Variants in SPOCK3 observed in about 807,000 individuals in gnomAD.
SPOCK3 encodes SPARC (osteonectin), cwcv and kazal like domains proteoglycan 3, also known as testican-3.
In SPOCK3, 30 loss-of-function variants were observed where a neutral mutation model predicts 56.6. The observed-to-expected ratio is 0.53, with a 90% confidence interval of 0.40 to 0.72. The LOEUF (loss-of-function observed/expected upper bound fraction) is 0.72. Among genes scored for constraint, SPOCK3 ranks in the 30% least tolerant of loss-of-function variants. SPOCK3 has a pLI of 0.00. For synonymous variants in SPOCK3, 196 were observed against 183.3 expected, an observed-to-expected ratio of 1.07 and a Z score of -0.56; for missense variants, 527 against 530.0, an observed-to-expected ratio of 0.99 and a Z score of 0.06.
At chr4:166,876,790 G>A (rs1733132726) in intron 6 of SPOCK3, among the ~76,000 whole-genome samples, 1 of 152,146 alleles carries the variant, frequency 6.6e-6, no homozygotes, top group Admixed American at 6.5e-5. Context: ...ATATGTAGGT[G>A]AAGGAAGTCG....
chr4:167,138,594 T>C (rs1042963035), intron 2 of SPOCK3, among the ~76,000 whole-genome samples: 4 of 151,938 alleles, frequency 2.6e-5, no homozygotes, highest in Non-Finnish European at 5.9e-5. Flanking sequence ...AAAATCTATC[T>C]TTTGGATCCT....
intron 4 of SPOCK3, among the ~76,000 whole-genome samples, chr4:166,947,594 A>G (rs1741932572): frequency 6.6e-6 from 1 of 152,152 alleles, no homozygotes; most frequent in African/African-American, 2.4e-5. Flanking sequence ...GGCAATTTAA[A>G]AAAAAGAAAA....
At chr4:167,233,960 G>A (rs778094481) in intron 2 of SPOCK3, 25 bp downstream of exon 2, 1 of 1,601,082 alleles carries the variant, frequency 6.2e-7, no homozygotes, top group South Asian at 1.1e-5. Context: ...GCGTGTGCCC[G>A]GGGATGTGGG....
Position 167,108,817 on chromosome 4 carries a change from G to A in SPOCK3, c.190-46280C>T, listed in dbSNP as rs114244617. Among the ~76,000 whole-genome samples the A allele has an allele frequency of 7.2e-3, 1,066 of 148,992 alleles. 12 individuals carry two copies. The highest frequency in any genetic ancestry group is 0.024 in the African/African-American group (957 of 40,498). On this transcript the variant is annotated intron_variant, in intron 2 of 10. Transcript: ENST00000357545. ...AAATAATGAAGAGTATAATTGGATT[G>A]TTTGTTACACAAAGGATACATGTTT... is the stretch of plus-strand genomic sequence containing the variant.
intron 4 of SPOCK3, among the ~76,000 whole-genome samples, chr4:166,945,056 A>G (rs1194832966): frequency 6.6e-6 from 1 of 152,156 alleles, no homozygotes; most frequent in African/African-American, 2.4e-5. Flanking sequence ...TACCACTATC[A>G]ATCTTTGAGC....
chr4:166,988,903 C>T (rs559275170), intron 4 of SPOCK3, among the ~76,000 whole-genome samples: 1 of 152,050 alleles, frequency 6.6e-6, no homozygotes, highest in Non-Finnish European at 1.5e-5. Context: ...AATCCTCTTC[C>T]TTATATTTTC....
intron 4 of SPOCK3, among the ~76,000 whole-genome samples, chr4:166,965,771 G>C (rs1744669352): frequency 6.6e-6 from 1 of 151,958 alleles, no homozygotes; most frequent in African/African-American, 2.4e-5. Flanking sequence ...TCAGCAAATG[G>C]ATCTCAACAC....
chr4:167,026,405 A>T (rs917650521), intron 3 of SPOCK3, among the ~76,000 whole-genome samples: 1 of 152,076 alleles, frequency 6.6e-6, no homozygotes, highest in Non-Finnish European at 1.5e-5. Context: ...GAAAGTATTA[A>T]GGATAGTAAC....
At chr4:167,099,249 T>A (rs1414530148) in intron 2 of SPOCK3, among the ~76,000 whole-genome samples, 3 of 151,978 alleles carry the variant, frequency 2.0e-5, no homozygotes, top group Non-Finnish European at 4.4e-5. Flanking sequence ...ATTTTCTTCA[T>A]TTTTTAGTAG....
Position 166,859,271 on chromosome 4 carries a change from G to A in SPOCK3, c.589+29859C>T, listed in dbSNP as rs527554133. On this transcript the variant is annotated intron_variant, in intron 6 of 10. Transcript: ENST00000357545. ...GACCCATTTCTCAAAATATAGTTCT[G>A]TTATTAAGTATTATAAAAATATACA... Among the ~76,000 whole-genome samples, 14 of 152,114 alleles carry A rather than the reference G, an allele frequency of 9.2e-5. No individual in the cohort carries two copies. The South Asian group carries it at 2.5e-3, about 27-fold the overall frequency.
At position 167,127,518 on chromosome 4, in the gene SPOCK3, C is replaced by T. The variant is rs147478783; in HGVS notation, c.190-64981G>A. ...TCTCGGCTCACTGCAACCTCTGGTTCCCGGGTTCAAGCAATTCTCCTGCCT... is the reference window on the plus strand; with the variant it reads ...TCTCGGCTCACTGCAACCTCTGGTTTCCGGGTTCAAGCAATTCTCCTGCCT... On this transcript the variant is annotated intron_variant, in intron 2 of 10. Transcript: ENST00000357545. 9.8e-3 allele frequency among the ~76,000 whole-genome samples: 1,483 copies of T among 151,724 alleles called. 15 individuals are homozygous for T. The highest frequency in any genetic ancestry group is 0.013 in the Non-Finnish European group (909 of 67,938).
At chr4:167,038,663 C>A (rs1362771240) in intron 3 of SPOCK3, among the ~76,000 whole-genome samples, 1,406 of 107,998 alleles carry the variant, frequency 0.013, 18 homozygotes, top group Middle Eastern at 0.023. Context: ...TTATTTTTTC[C>A]AAAAAAAAAA....
intron 5 of SPOCK3, among the ~76,000 whole-genome samples, chr4:166,907,864 T>G (rs1736799325): frequency 6.6e-6 from 1 of 151,994 alleles, no homozygotes; most frequent in African/African-American, 2.4e-5. Context: ...TCTGGTGCTG[T>G]AATATTGATC....
At chr4:166,895,476 G>C (rs1454244925) in intron 5 of SPOCK3, among the ~76,000 whole-genome samples, 1 of 151,764 alleles carries the variant, frequency 6.6e-6, no homozygotes, top group African/African-American at 2.4e-5. Flanking sequence ...AAAGATTCAG[G>C]GCAGAAGGTT....
chr4:167,015,063 A>C (rs1478930056), intron 3 of SPOCK3, among the ~76,000 whole-genome samples: 1 of 152,026 alleles, frequency 6.6e-6, no homozygotes, highest in Non-Finnish European at 1.5e-5. Flanking sequence ...ATAAACATCA[A>C]AAATTCCACT....
chr4:166,883,404 T>C (rs1442527123), intron 6 of SPOCK3: 1 of 152,204 alleles, frequency 6.6e-6, no homozygotes, highest in Non-Finnish European at 1.5e-5. Context: ...AAACCTATAC[T>C]CATTGTCCCC....
intron 8 of SPOCK3, among the ~76,000 whole-genome samples, chr4:166,745,790 G>A (rs1735532897): frequency 6.6e-6 from 1 of 152,146 alleles, no homozygotes; most frequent in African/African-American, 2.4e-5. Flanking sequence ...AGGGATGGAG[G>A]AAGATCTACT....
chr4:167,102,552 ATG>A (rs1759742843), intron 2 of SPOCK3: 1 of 152,316 alleles, frequency 6.6e-6, no homozygotes, highest in Admixed American at 6.6e-5. Flanking sequence ...CGTGGAGAAT[ATG>A]TGTTCTCTGG....
chr4:167,113,812 C>T (rs1761112358), intron 2 of SPOCK3, among the ~76,000 whole-genome samples: 2 of 151,998 alleles, frequency 1.3e-5, no homozygotes, highest in South Asian at 2.1e-4. Context: ...GTATCTTTTT[C>T]CATGAAGAGA....
Sources: allele counts gnomAD v4.1 joint callset (sites outside exome capture counted in the v4.1 genomes callset), GRCh38; gene constraint gnomAD v4.1.1; transcripts MANE v1.5; gene names NCBI Gene and HGNC (gene_info 2026-07-23, HGNC 2026-07-21).